The following UBE3C variants were observed in gnomAD, a reference collection of about 807,000 sequenced individuals.
UBE3C encodes ubiquitin protein ligase E3C, also known as ubiquitin-protein ligase E3C.
UBE3C carries 42 observed loss-of-function variants against 129.4 expected under a neutral mutation model. That is an observed-to-expected ratio of 0.32 (90% CI 0.25 to 0.42). The LOEUF (loss-of-function observed/expected upper bound fraction) is 0.42. Among genes scored for constraint, UBE3C ranks in the 10% least tolerant of loss-of-function variants. The pLI, the probability that UBE3C is intolerant of heterozygous loss-of-function variation, is 1.00. For missense variants in UBE3C, 1,049 were observed against 1,319.1 expected, an observed-to-expected ratio of 0.80 and a Z score of 3.17; for synonymous variants, 510 against 492.4, an observed-to-expected ratio of 1.04 and a Z score of -0.47.
intron 10 of UBE3C, chr7:157,197,820 A>T (rs1005870582): frequency 6.2e-7 from 1 of 1,612,984 alleles, no homozygotes. Flanking sequence ...CCTGATTTGA[A>T]TTTTTGTTGT....
At chr7:157,141,082 C>T (rs1384718198) in intron 1 of UBE3C, among the ~76,000 whole-genome samples, 1 of 152,076 alleles carries the variant, frequency 6.6e-6, no homozygotes, top group Non-Finnish European at 1.5e-5. Flanking sequence ...AGGCTGCTGC[C>T]CCTCCGGGAT....
At chr7:157,143,198 A>G (rs568354651) in intron 1 of UBE3C, among the ~76,000 whole-genome samples, 9 of 152,088 alleles carry the variant, frequency 5.9e-5, no homozygotes, top group South Asian at 2.1e-4. Flanking sequence ...ACTGATTTCT[A>G]TCTTTAAATA....
In UBE3C at chr7:157,225,518, G is replaced by A; in HGVS notation, c.2212G>A (p.Asp738Asn). The change falls in exon 17 of 23, where the codon GAC (aspartate) becomes AAC (asparagine). Residue 738 changes from aspartate to asparagine, a missense_variant. By Grantham distance (23) the Asp-to-Asn change is conservative. Coordinates refer to ENST00000348165, the MANE Select transcript of UBE3C (RefSeq NM_014671.3). ...AAATTACATTTATGAAGATGCTTAT[G>A]ACAAACTTTCTCCAGAAAATGGTAT... Reference protein sequence around the residue: ...RRNYIYEDAYDKLSPENEPDL... With the variant: ...RRNYIYEDAYNKLSPENEPDL... 6.3e-7 allele frequency: 1 copy of A among 1,590,536 alleles called. No individual in the cohort carries two copies. The highest frequency in any genetic ancestry group is 8.5e-7 in the Non-Finnish European group (1 of 1,173,730).
At chr7:157,245,718 G>A (rs1796454844) in intron 18 of UBE3C, among the ~76,000 whole-genome samples, 1 of 152,194 alleles carries the variant, frequency 6.6e-6, no homozygotes, top group South Asian at 2.1e-4. Flanking sequence ...TGGAGGGGAT[G>A]TTATGCCGGC....
chr7:157,182,148 G>A lies in UBE3C; in HGVS notation c.811G>A (p.Ala271Thr). 6.3e-7 allele frequency: 1 copy of A among 1,599,074 alleles called. No individual in the cohort carries two copies. The highest frequency in any genetic ancestry group is 1.1e-5 in the South Asian group (1 of 87,132). Residue 271 changes from alanine (A) to threonine (T), a missense_variant, in exon 8 of 23, where the codon GCA becomes ACA. Around this residue, in one of 4 missense-constraint regions of UBE3C, gnomAD observed 489 missense variants for 513.8 expected, o/e 0.95. Transcript: ENST00000348165. ...AGCCTTCACAGAGGAGTTTCTGGCA[G>A]CACCTTTTACAGATCAGATTTTTCA... Reference protein sequence around the residue: ...FTAFTEEFLAAPFTDQIFHFI... With the variant: ...FTAFTEEFLATPFTDQIFHFI...
In UBE3C at chr7:157,182,149, C is replaced by T. The variant is rs1224322140; in HGVS notation, c.812C>T (p.Ala271Val). The T allele has an allele frequency of 6.3e-7, 1 of 1,599,460 alleles. No individual in the cohort carries two copies. Among genetic ancestry groups the T allele is most frequent in the African/African-American group, 1.4e-5 (1 of 73,980 alleles). The change falls in exon 8 of 23, where the codon GCA becomes GTA. Residue 271 changes from alanine (A) to valine (V), a missense_variant. This residue lies in a region of UBE3C where 489 missense variants were observed against 513.8 expected (regional missense o/e 0.95). Coordinates refer to ENST00000348165, the MANE Select transcript of UBE3C (RefSeq NM_014671.3). ...GCCTTCACAGAGGAGTTTCTGGCAG[C>T]ACCTTTTACAGATCAGATTTTTCAT... ...FTAFTEEFLA[A>V]PFTDQIFHFI... is the part of the protein sequence containing the mutation.
At chr7:157,212,189 A>T (rs3802111) in intron 13 of UBE3C, among the ~76,000 whole-genome samples, 26,019 of 152,046 alleles carry the variant, frequency 0.17, 2,472 homozygotes, top group East Asian at 0.35. Context: ...TTTCAGGACT[A>T]GATCTACTGT....
chr7:157,164,015 T>C (rs1361091043), intron 2 of UBE3C, 152 bp downstream of exon 2: 1 of 742,948 alleles, frequency 1.3e-6, no homozygotes, highest in Non-Finnish European at 2.1e-6. Flanking sequence ...AAACATTTAT[T>C]CTGGAGCCGG....
intron 13 of UBE3C, among the ~76,000 whole-genome samples, chr7:157,210,761 C>G (rs1360252056): frequency 6.6e-6 from 1 of 152,182 alleles, no homozygotes; most frequent in Non-Finnish European, 1.5e-5. Context: ...GACAGAATTG[C>G]AAACGATGAG....
intron 18 of UBE3C, 61 bp downstream of exon 18, chr7:157,231,388 A>C: frequency 1.3e-6 from 2 of 1,582,738 alleles, no homozygotes; most frequent in Non-Finnish European, 1.7e-6. Context: ...TTTTATGTTT[A>C]TGTGTGGTTG....
At chr7:157,261,172 G>C (rs546938645) in intron 22 of UBE3C, among the ~76,000 whole-genome samples, 45 of 152,044 alleles carry the variant, frequency 3.0e-4, no homozygotes, top group African/African-American at 1.1e-3. Flanking sequence ...CGGGCATGGT[G>C]GTGCATGCCT....
chr7:157,178,492 C>T (rs751685199), intron 5 of UBE3C, among the ~76,000 whole-genome samples, 198 bp from the exon 6 acceptor site: 26 of 152,146 alleles, frequency 1.7e-4, no homozygotes, highest in Non-Finnish European at 3.2e-4. Context: ...TGGCACATAA[C>T]GAGAATTCTT....
At chr7:157,255,349 A>T (rs1427461772) in intron 21 of UBE3C, among the ~76,000 whole-genome samples, 1 of 152,230 alleles carries the variant, frequency 6.6e-6, no homozygotes, top group Non-Finnish European at 1.5e-5. Flanking sequence ...AAATGTTCTA[A>T]AACTGGATTG....
intron 22 of UBE3C, among the ~76,000 whole-genome samples, chr7:157,258,815 A>G (rs1323562340): frequency 6.6e-6 from 1 of 152,178 alleles, no homozygotes; most frequent in Non-Finnish European, 1.5e-5. Flanking sequence ...TTTTACTTCG[A>G]AACTATTTTA....
At chr7:157,211,729 G>A (rs1484446885) in intron 13 of UBE3C, among the ~76,000 whole-genome samples, 2 of 152,000 alleles carry the variant, frequency 1.3e-5, no homozygotes, top group Admixed American at 1.3e-4. Flanking sequence ...AGGTTAGAGT[G>A]TTTTATTCTC....
chr7:157,182,640 T>A (rs1351283244), intron 8 of UBE3C, among the ~76,000 whole-genome samples: 1 of 152,202 alleles, frequency 6.6e-6, no homozygotes, highest in African/African-American at 2.4e-5. Context: ...CCAGTGTGCC[T>A]CTTCTAGAAT....
intron 14 of UBE3C, among the ~76,000 whole-genome samples, chr7:157,219,901 T>TA (rs60291484): frequency 2.0e-3 from 269 of 137,666 alleles, no homozygotes; most frequent in Middle Eastern, 7.7e-3. Context: ...AGACTCCATC[T>TA]AAAAAAAAAA....
intron 7 of UBE3C, 42 bp from the exon 8 acceptor site, chr7:157,182,066 T>C (rs1424120701): frequency 6.7e-7 from 1 of 1,503,658 alleles, no homozygotes; most frequent in Non-Finnish European, 8.9e-7. Context: ...GGATGGACAG[T>C]ATAATTTGAT....
At chr7:157,168,193 T>C (rs1346106292) in intron 2 of UBE3C, among the ~76,000 whole-genome samples, 1 of 151,736 alleles carries the variant, frequency 6.6e-6, no homozygotes, top group Non-Finnish European at 1.5e-5. Context: ...CTACTAAATA[T>C]ACAAAAAATT....
Sources: allele counts gnomAD v4.1 joint callset (sites outside exome capture counted in the v4.1 genomes callset), GRCh38; gene constraint gnomAD v4.1.1; regional missense constraint gnomAD v4.1.1; transcripts MANE v1.5; gene names NCBI Gene and HGNC (gene_info 2026-07-23, HGNC 2026-07-21).